Variants in SLCO1B1 observed in about 807,000 individuals in gnomAD.
SLCO1B1 encodes the protein OATP-2.
SLCO1B1 carries 81 observed loss-of-function variants against 70.1 expected under a neutral mutation model. The ratio of observed to expected loss-of-function variants is 1.16; its 90% CI spans 0.97 to 1.39. SLCO1B1 has a LOEUF of 1.39. SLCO1B1 is among the 40% of genes most tolerant of loss of function. The pLI is 0.00. For synonymous variants in SLCO1B1, 283 were observed against 271.5 expected (o/e 1.04, Z -0.42); for missense variants, 895 against 799.6 (o/e 1.12, Z -1.44).
intron 2 of SLCO1B1, among the ~76,000 whole-genome samples, chr12:21,156,164 T>G (rs1027965963): frequency 2.0e-5 from 3 of 152,146 alleles, no homozygotes; most frequent in African/African-American, 7.2e-5. Flanking sequence ...GTTTGTGATT[T>G]CATAATGGAG....
intron 2 of SLCO1B1, among the ~76,000 whole-genome samples, chr12:21,160,530 C>T (rs556258864): frequency 1.3e-5 from 2 of 151,612 alleles, no homozygotes; most frequent in South Asian, 2.1e-4. Context: ...AGACTAAAGA[C>T]TTAAATCTAA....
chr12:21,164,552 TA>T (rs1315033567), intron 2 of SLCO1B1, among the ~76,000 whole-genome samples: 1 of 152,100 alleles, frequency 6.6e-6, no homozygotes. Context: ...CTGCCAGAAT[TA>T]ACCATCTAAA....
chr12:21,139,649 C>G (rs967682136), intron 1 of SLCO1B1, among the ~76,000 whole-genome samples: 1 of 152,072 alleles, frequency 6.6e-6, no homozygotes, highest in Non-Finnish European at 1.5e-5. Flanking sequence ...TGTCTATTCA[C>G]TAAAATTCCT....
chr12:21,225,087 G>A (rs4149081), intron 14 of SLCO1B1, among the ~76,000 whole-genome samples: 28,195 of 151,784 alleles, frequency 0.19, 2,980 homozygotes, highest in East Asian at 0.45. Flanking sequence ...TAACCAACTT[G>A]TCAAAAATCA....
At chr12:21,192,783 G>C (rs1277222819) in intron 7 of SLCO1B1, among the ~76,000 whole-genome samples, 1 of 151,948 alleles carries the variant, frequency 6.6e-6, no homozygotes, top group East Asian at 1.9e-4. Context: ...CCATAAATTA[G>C]AGAAATAACC....
intron 7 of SLCO1B1, among the ~76,000 whole-genome samples, chr12:21,194,869 C>T (rs1238708503): frequency 6.6e-6 from 1 of 152,216 alleles, no homozygotes; most frequent in Non-Finnish European, 1.5e-5. Flanking sequence ...TCTGAGGAGA[C>T]CCCAAGGAGC....
At chr12:21,207,965 C>T (rs1361112582) in intron 11 of SLCO1B1, among the ~76,000 whole-genome samples, 2 of 151,766 alleles carry the variant, frequency 1.3e-5, no homozygotes, top group Non-Finnish European at 2.9e-5. Flanking sequence ...CTGTTCATGT[C>T]CTTTGTCTAC....
chr12:21,238,703 T>TG (rs1202447397), intron 14 of SLCO1B1, among the ~76,000 whole-genome samples: 1 of 152,040 alleles, frequency 6.6e-6, no homozygotes, highest in Non-Finnish European at 1.5e-5. Context: ...CAGCTGTAGG[T>TG]GGGGCAGGAT....
Position 21,172,729 on chromosome 12 carries a change from T to A in SLCO1B1, c.164T>A (p.Ile55Lys), listed in dbSNP as rs774451034. ...AIIMKSSIIH[I>K]ERRFEISSSL... The stretch of plus-strand genomic sequence containing the variant: ...ATTATGAAAAGTTCCATCATTCATA[T>A]AGAACGGAGATTTGAGATATCCTCT... Residue 55 changes from isoleucine to lysine, a missense_variant, in exon 3 of 15, where the codon ATA (isoleucine) becomes AAA (lysine). By Grantham distance (102) the Ile-to-Lys change is moderately radical. Coordinates refer to ENST00000256958, the MANE Select transcript of SLCO1B1 (RefSeq NM_006446.5). The A allele has an allele frequency of 6.2e-7, 1 of 1,613,372 alleles. No individual in the cohort carries two copies. Among genetic ancestry groups the A allele is most frequent in the African/African-American group, 1.3e-5 (1 of 74,932 alleles).
At chr12:21,135,678 A>G (rs1187659023) in intron 1 of SLCO1B1, among the ~76,000 whole-genome samples, 1 of 151,646 alleles carries the variant, frequency 6.6e-6, no homozygotes, top group African/African-American at 2.4e-5. Context: ...TTTGTTTTCC[A>G]TTTGCTTGGT....
intron 2 of SLCO1B1, 117 bp from the exon 3 acceptor site, chr12:21,172,533 T>C: frequency 8.4e-7 from 1 of 1,196,188 alleles, no homozygotes; most frequent in Non-Finnish European, 1.2e-6. Flanking sequence ...GTATGGTTTT[T>C]AAGATACAAA....
rs71581988 is a variant in SLCO1B1 at position 21,217,243 on chromosome 12, A to C, written c.1622A>C (p.Gln541Pro). ...TRKFYFFVAIQVLNLFFSALG... is the reference protein window; with the variant it reads ...TRKFYFFVAIPVLNLFFSALG... ...AAATTTTACTTTTTTGTTGCAATAC[A>C]AGTCTTGAATTTATTTTTCTCTGCA... Residue 541 changes from glutamine (Q) to proline (P), a missense_variant, in exon 12 of 15, where the codon CAA (glutamine) becomes CCA (proline). Coordinates refer to ENST00000256958, the MANE Select transcript of SLCO1B1 (RefSeq NM_006446.5). 6.2e-7 allele frequency: 1 copy of C among 1,613,768 alleles called. No individual in the cohort carries two copies. Among genetic ancestry groups the C allele is most frequent in the East Asian group, 2.2e-5 (1 of 44,816 alleles).
chr12:21,210,148 GAATGGT>G (rs1343183085), intron 11 of SLCO1B1, among the ~76,000 whole-genome samples: 1 of 146,220 alleles, frequency 6.8e-6, no homozygotes, highest in Non-Finnish European at 1.5e-5. Flanking sequence ...CCTATGTCCT[GAATGGT>G]AATGCCTAGG....
intron 14 of SLCO1B1, among the ~76,000 whole-genome samples, chr12:21,225,216 T>C (rs1034876409): frequency 6.6e-6 from 1 of 152,098 alleles, no homozygotes; most frequent in Non-Finnish European, 1.5e-5. Context: ...GACATATATA[T>C]ATGCATGTGT....
intron 14 of SLCO1B1, among the ~76,000 whole-genome samples, chr12:21,228,235 C>T (rs918820957): frequency 4.6e-5 from 7 of 152,076 alleles, no homozygotes; most frequent in Non-Finnish European, 1.0e-4. Context: ...TTTCAGTGAG[C>T]TCTTTAGTGG....
At chr12:21,235,661 G>A (rs1024007884) in intron 14 of SLCO1B1, among the ~76,000 whole-genome samples, 1 of 151,958 alleles carries the variant, frequency 6.6e-6, no homozygotes, top group African/African-American at 2.4e-5. Flanking sequence ...AATTATGGGT[G>A]CTTTTATAGT....
At chr12:21,132,034 T>A (rs10841752) in intron 1 of SLCO1B1, among the ~76,000 whole-genome samples, 1 of 151,702 alleles carries the variant, frequency 6.6e-6, no homozygotes, top group African/African-American at 2.4e-5. Flanking sequence ...CCCTTTCCTG[T>A]GTCCATGTGT....
intron 9 of SLCO1B1, among the ~76,000 whole-genome samples, chr12:21,201,474 G>C (rs1217871209): frequency 6.6e-6 from 1 of 152,120 alleles, no homozygotes; most frequent in East Asian, 1.9e-4. Flanking sequence ...ATTAGACAAA[G>C]ATATGGAAAA....
At position 21,222,283 on chromosome 12, in the gene SLCO1B1, CCTTTGT is replaced by C. The variant is rs1374799883; in HGVS notation, c.1683-13_1683-8del. 1.5e-6 allele frequency: 2 copies of C among 1,312,670 alleles called. No individual in the cohort carries two copies. The highest frequency in any genetic ancestry group is 6.1e-5 in the East Asian group (2 of 32,994). The allele number at this position is 1,312,670 out of a possible 1,614,324, so 81.3% of individuals were successfully genotyped here. A position where few individuals can be genotyped will look rare whatever the true frequency, so the allele number is the denominator to read the frequency against. On this transcript the variant is annotated splice_polypyrimidine_tract_variant and intron_variant, in intron 12 of 14. Transcript: ENST00000256958. ...TTTAATGATATTTAATGTTTCTTTG[CCTTTGT>C]CTTGTTTCAGAATTGTTCAACCTGA...
Sources: allele counts gnomAD v4.1 joint callset (sites outside exome capture counted in the v4.1 genomes callset), GRCh38; gene constraint gnomAD v4.1.1; transcripts MANE v1.5; gene names NCBI Gene and HGNC (gene_info 2026-07-23, HGNC 2026-07-21).